The following RIPPLY3 variants were observed in gnomAD, a reference collection of about 807,000 sequenced individuals.
The protein encoded by RIPPLY3 is protein ripply3.
RIPPLY3 carries 8 observed loss-of-function variants against 11.9 expected under a neutral mutation model. The ratio of observed to expected loss-of-function variants is 0.67; its 90% CI spans 0.40 to 1.21. The LOEUF is 1.21. Ranked by LOEUF, RIPPLY3 falls within the 50% of genes most tolerant of loss-of-function variation. The pLI, the probability that RIPPLY3 is intolerant of heterozygous loss-of-function variation, is 0.01. For missense variants in RIPPLY3, 271 were observed against 246.0 expected (o/e 1.10, Z -0.68); for synonymous variants, 102 against 99.0 (o/e 1.03, Z -0.18).
chr21:37,013,665 T>C (rs2069549661), intron 3 of RIPPLY3, 47 bp downstream of exon 3: 1 of 1,384,780 alleles, frequency 7.2e-7, no homozygotes, highest in Non-Finnish European at 1.0e-6. Flanking sequence ...CCTTTTAATA[T>C]AGGCATTAAT....
In RIPPLY3 at chr21:37,018,012, A is replaced by G. The variant is rs752337778; in HGVS notation, c.378A>G (p.Pro126=). ...STESASEAEE[P]EEGPPPLHLL... is the part of the protein sequence containing the mutation. ...AGTCTGCTTCCGAAGCTGAAGAGCC[A>G]GAGGAAGGACCCCCACCCCTCCATC... is the stretch of plus-strand genomic sequence containing the variant. Residue 126 remains proline, a synonymous_variant, in exon 4 of 4, where the codon CCA becomes CCG. Transcript: ENST00000329553. The G allele has an allele frequency of 1.2e-6, 2 of 1,614,168 alleles. No individual in the cohort carries two copies. The highest frequency in any genetic ancestry group is 1.7e-6 in the Non-Finnish European group (2 of 1,180,022).
chr21:37,006,936 G>A lies in RIPPLY3; in HGVS notation c.104+60G>A, dbSNP rs1236707170. 3 of 1,012,560 alleles carry A rather than the reference G, an allele frequency of 3.0e-6. No homozygotes were observed. Among genetic ancestry groups the A allele is most frequent in the Admixed American group, 8.8e-5 (2 of 22,670 alleles). The allele number at this position is 1,012,560 out of a possible 1,614,324, so 62.7% of individuals were successfully genotyped here. On this transcript the variant is annotated intron_variant, in intron 1 of 3. Coordinates refer to ENST00000329553, the MANE Select transcript of RIPPLY3 (RefSeq NM_018962.3). This position sits in a 1 kb window ranked among gnomAD's most constrained non-coding sequence, Gnocchi z 5.2. ...AGAGGCGTGCGCGGTGGCGGTGCGG[G>A]GAGCGCAGCGAGCGGGAGGCTGGGG...
chr21:37,015,271 C>T (rs553336802), intron 3 of RIPPLY3, among the ~76,000 whole-genome samples: 31 of 152,248 alleles, frequency 2.0e-4, no homozygotes, highest in African/African-American at 6.7e-4. Context: ...TCAAGCAATT[C>T]TCCTGCCTCA....
At chr21:37,006,623 T>C (rs1412750983), upstream of RIPPLY3, 8 of 407,730 alleles carry the variant, frequency 2.0e-5, no homozygotes, top group Non-Finnish European at 2.0e-5. The surrounding 1 kb of genome is among the most constrained non-coding windows in gnomAD (Gnocchi z 5.2). Flanking sequence ...ACGGAGCTCC[T>C]CGGGTCCTGC....
intron 3 of RIPPLY3, among the ~76,000 whole-genome samples, chr21:37,016,553 C>T (rs146823060): frequency 2.6e-5 from 4 of 152,034 alleles, no homozygotes; most frequent in South Asian, 2.1e-4. Context: ...AAAAGCAGGT[C>T]GAGGCATGGT....
chr21:37,013,534 T>G lies in RIPPLY3; in HGVS notation c.172-17T>G. 4 of 1,611,876 alleles carry G rather than the reference T, an allele frequency of 2.5e-6. No individual in the cohort carries two copies. The highest frequency in any genetic ancestry group is 3.4e-6 in the Non-Finnish European group (4 of 1,178,208). ...CTCCTGCACTGTCTCTGTGTTTGTA[T>G]GTGTCTGTCGTTACAGCTTGAACCT... On this transcript the variant is annotated splice_polypyrimidine_tract_variant and intron_variant, in intron 2 of 3. Transcript: ENST00000329553.
intron 2 of RIPPLY3, among the ~76,000 whole-genome samples, chr21:37,008,805 A>C (rs1016122436): frequency 8.6e-5 from 13 of 151,450 alleles, no homozygotes; most frequent in Admixed American, 8.6e-4. Context: ...TGGGAATTAT[A>C]AGGAATGTCC....
intron 2 of RIPPLY3, among the ~76,000 whole-genome samples, chr21:37,012,819 C>T (rs541646885): frequency 1.3e-5 from 2 of 151,716 alleles, no homozygotes; most frequent in Non-Finnish European, 2.9e-5. Flanking sequence ...ACACAAGGCT[C>T]CTCATGGCTC....
intron 3 of RIPPLY3, among the ~76,000 whole-genome samples, chr21:37,014,390 G>A (rs550885394): frequency 6.6e-6 from 1 of 152,188 alleles, no homozygotes; most frequent in African/African-American, 2.4e-5. Flanking sequence ...CTTTGAGAGA[G>A]CCTTTTCCTC....
chr21:37,006,213 C>G (rs774334853), upstream of RIPPLY3: 1 of 152,660 alleles, frequency 6.6e-6, no homozygotes, highest in Non-Finnish European at 1.5e-5. The surrounding 1 kb of genome is among the most constrained non-coding windows in gnomAD (Gnocchi z 5.2). Context: ...CATCCCACAT[C>G]CGGCAGGGGA....
intron 2 of RIPPLY3, among the ~76,000 whole-genome samples, chr21:37,011,935 A>AAT (rs1383913781): frequency 1.4e-5 from 2 of 142,302 alleles, no homozygotes; most frequent in African/African-American, 5.9e-5. Context: ...GTCTCAAAAA[A>AAT]AAAAAAAAAA....
Position 37,018,186 on chromosome 21 carries a change from C to A in RIPPLY3, c.552C>A (p.Gly184=). The A allele has an allele frequency of 1.2e-6, 2 of 1,613,342 alleles. No individual in the cohort carries two copies. The highest frequency in any genetic ancestry group is 1.7e-6 in the Non-Finnish European group (2 of 1,179,454). Residue 184 remains glycine, a synonymous_variant, in exon 4 of 4, where the codon GGC becomes GGA. Coordinates refer to ENST00000329553, the MANE Select transcript of RIPPLY3 (RefSeq NM_018962.3). ...CTCAAGGTGTCTCCTCAAGGGGTGGCAAGTGCTCCTCATCCAAATGAATCA... is the reference window on the plus strand; with the variant it reads ...CTCAAGGTGTCTCCTCAAGGGGTGGAAAGTGCTCCTCATCCAAATGAATCA... ...PLPQGVSSRG[G]KCSSSK is the part of the protein sequence containing the mutation.
At chr21:37,010,135 G>A (rs1264641715) in intron 2 of RIPPLY3, among the ~76,000 whole-genome samples, 1 of 152,176 alleles carries the variant, frequency 6.6e-6, no homozygotes, top group Non-Finnish European at 1.5e-5. Context: ...TGGAGTGGCG[G>A]TGAAGAGGAC....
chr21:37,017,757 G>C (rs181134056), intron 3 of RIPPLY3, 117 bp from the exon 4 acceptor site: 46 of 818,838 alleles, frequency 5.6e-5, no homozygotes, highest in Admixed American at 3.5e-4. Flanking sequence ...TGTTGTGAAG[G>C]CAAAGACCAG....
chr21:37,018,224 T>G lies in RIPPLY3; in HGVS notation c.*17T>G, dbSNP rs1478420188. ...TCCAAATGAATCAGTCTCTGTCTCC[T>G]GGGCCCTGCTCTGGGACCTGCCCCT... On this transcript the variant is annotated 3_prime_UTR_variant, in exon 4 of 4. Coordinates refer to ENST00000329553, the MANE Select transcript of RIPPLY3 (RefSeq NM_018962.3). 1.2e-5 allele frequency: 19 copies of G among 1,598,854 alleles called. No individual in the cohort carries two copies. Among genetic ancestry groups the G allele is most frequent in the Non-Finnish European group, 1.5e-5 (17 of 1,166,848 alleles).
rs1020161565 is a variant in RIPPLY3 at position 37,006,847 on chromosome 21, G to C, written c.75G>C (p.Trp25Cys). 8.2e-7 allele frequency: 1 copy of C among 1,223,438 alleles called. No individual in the cohort carries two copies. The highest frequency in any genetic ancestry group is 1.6e-5 in the African/African-American group (1 of 64,058). 75.8% of individuals were successfully genotyped at this position (1,223,438 alleles called of 1,614,324 possible). A position where few individuals can be genotyped will look rare whatever the true frequency, so the allele number is the denominator to read the frequency against. The stretch of plus-strand genomic sequence containing the variant: ...GTCACTGCCCCGGGGACGCTCCCTG[G>C]AGGCCTCCGCCACCGCGCGGGCCGG... The part of the protein sequence containing the change: ...RGCHCPGDAP[W>C]RPPPPRGPES... Residue 25 changes from tryptophan (W) to cysteine (C), a missense_variant, in exon 1 of 4, where the codon TGG (tryptophan) becomes TGC (cysteine). By Grantham distance (215) the Trp-to-Cys change is radical (BLOSUM62 -2). Coordinates refer to ENST00000329553, the MANE Select transcript of RIPPLY3 (RefSeq NM_018962.3). This position sits in a 1 kb window ranked among gnomAD's most constrained non-coding sequence, Gnocchi z 5.2.
At chr21:37,015,128 G>A (rs1364679772) in intron 3 of RIPPLY3, among the ~76,000 whole-genome samples, 1 of 152,042 alleles carries the variant, frequency 6.6e-6, no homozygotes, top group Non-Finnish European at 1.5e-5. Context: ...TTGCTCTAGG[G>A]AAAGACCCAT....
At chr21:37,012,212 T>TTTTTTATTATTA (rs773284506) in intron 2 of RIPPLY3, among the ~76,000 whole-genome samples, 3,292 of 132,484 alleles carry the variant, frequency 0.025, 98 homozygotes, top group African/African-American at 0.064. Context: ...CCGCTCCTTA[T>TTTTTTATTATTA]TTATTATTAT....
chr21:37,015,687 A>ATGT (rs944039065), intron 3 of RIPPLY3, among the ~76,000 whole-genome samples: 9 of 151,812 alleles, frequency 5.9e-5, no homozygotes, highest in South Asian at 2.1e-4. Context: ...ACCCGCAACT[A>ATGT]TGTTGTTGTT....
Sources: gnomAD v4.1 joint callset for allele counts (sites outside exome capture counted in the v4.1 genomes callset) on GRCh38, gnomAD v4.1.1 for gene constraint, Gnocchi (gnomAD v3.1) non-coding constraint, MANE v1.5 for transcripts, NCBI Gene and HGNC (gene_info 2026-07-23, HGNC 2026-07-21) for gene names.